CNOT2: variants seen among roughly 807,000 people sequenced by gnomAD.
The protein encoded by CNOT2 is CC chemokine receptor 4-negative regulator of transcription 2.
Under a neutral mutation model 72.1 loss-of-function variants are expected in CNOT2, and 7 were observed. That is an observed-to-expected ratio of 0.10 (90% confidence interval 0.06 to 0.18). CNOT2 has a LOEUF of 0.18. CNOT2 is among the 10% of genes least tolerant of loss of function. The pLI, the probability that CNOT2 is intolerant of heterozygous loss-of-function variation, is 1.00. For synonymous variants in CNOT2, 196 were observed against 225.6 expected, an observed-to-expected ratio of 0.87 and a Z score of 1.17; for missense variants, 345 against 660.3, an observed-to-expected ratio of 0.52 and a Z score of 5.23.
intron 1 of CNOT2, among the ~76,000 whole-genome samples, chr12:70,252,294 C>T (rs1234355950): frequency 1.3e-5 from 2 of 152,068 alleles, no homozygotes; most frequent in African/African-American, 2.4e-5. Flanking sequence ...TTAATCAATC[C>T]TCCCACCTAA....
At chr12:70,284,867 T>G (rs1310059962) in intron 2 of CNOT2, among the ~76,000 whole-genome samples, 2 of 152,230 alleles carry the variant, frequency 1.3e-5, no homozygotes, top group South Asian at 2.1e-4. Flanking sequence ...ATAGTGCCCT[T>G]GGGCCAAAAG....
chr12:70,343,138 A>G (rs1334192480), intron 13 of CNOT2, among the ~76,000 whole-genome samples: 1 of 152,156 alleles, frequency 6.6e-6, no homozygotes, highest in Non-Finnish European at 1.5e-5. Context: ...TCCCACCACC[A>G]CTGTAGAGCT....
At chr12:70,243,550 CCG>C (rs1957671336) in intron 1 of CNOT2, 70 bp downstream of exon 1, 1 of 152,530 alleles carries the variant, frequency 6.6e-6, no homozygotes. Flanking sequence ...TTCGGGGCCC[CCG>C]CAAGGCGGGG....
intron 4 of CNOT2, among the ~76,000 whole-genome samples, chr12:70,325,094 T>A (rs530627685): frequency 6.6e-6 from 1 of 151,902 alleles, no homozygotes; most frequent in South Asian, 2.1e-4. Flanking sequence ...GTCTTTTATA[T>A]CTCTAGAACA....
intron 15 of CNOT2, among the ~76,000 whole-genome samples, chr12:70,353,477 G>A (rs1331806798): frequency 6.6e-6 from 1 of 151,984 alleles, no homozygotes; most frequent in Non-Finnish European, 1.5e-5. Flanking sequence ...CGTTGAAGGG[G>A]GCTTTATTTT....
intron 11 of CNOT2, among the ~76,000 whole-genome samples, chr12:70,339,392 C>G (rs921897472): frequency 3.9e-5 from 6 of 152,020 alleles, no homozygotes; most frequent in Non-Finnish European, 7.4e-5. Context: ...TCCAGATCCC[C>G]GTCTCTTTTC....
chr12:70,295,124 C>T (rs964088154), intron 2 of CNOT2, among the ~76,000 whole-genome samples: 1 of 152,142 alleles, frequency 6.6e-6, no homozygotes, highest in Non-Finnish European at 1.5e-5. Flanking sequence ...GTGTTTCTTT[C>T]GTTCTCCTAC....
intron 15 of CNOT2, among the ~76,000 whole-genome samples, chr12:70,350,842 G>A (rs549368066): frequency 2.5e-4 from 38 of 152,146 alleles, no homozygotes; most frequent in Non-Finnish European, 5.0e-4. Context: ...CAACATGTAG[G>A]TAAGAGAAAG....
At chr12:70,325,173 T>A (rs1878895038) in intron 4 of CNOT2, among the ~76,000 whole-genome samples, 1 of 150,286 alleles carries the variant, frequency 6.7e-6, no homozygotes, top group Non-Finnish European at 1.5e-5. Context: ...AGGAAAGGAA[T>A]AGAGAAAGAA....
At chr12:70,317,958 C>T (rs546583287) in intron 3 of CNOT2, among the ~76,000 whole-genome samples, 10 of 151,814 alleles carry the variant, frequency 6.6e-5, no homozygotes, top group African/African-American at 2.4e-4. Context: ...ATTTTTCATC[C>T]CTGGAAACCA....
At chr12:70,265,300 C>CTTCTCTT (rs1958978568) in intron 1 of CNOT2, among the ~76,000 whole-genome samples, 1 of 145,206 alleles carries the variant, frequency 6.9e-6, no homozygotes, top group Non-Finnish European at 1.5e-5. Flanking sequence ...CTTCTCTTCT[C>CTTCTCTT]TTCTCTTCTC....
At chr12:70,329,189 G>T in intron 4 of CNOT2, among the ~76,000 whole-genome samples, 1 of 151,742 alleles carries the variant, frequency 6.6e-6, no homozygotes, top group Admixed American at 6.6e-5. Flanking sequence ...TAATGAAATT[G>T]AAATATGAAA....
Position 70,278,145 on chromosome 12 carries a change from G to T in CNOT2, c.-82G>T. 2.1e-6 allele frequency: 2 copies of T among 961,252 alleles called. No homozygotes were observed. The highest frequency in any genetic ancestry group is 2.4e-5 in the East Asian group (1 of 41,262). 59.5% of individuals were successfully genotyped at this position (961,252 alleles called of 1,614,324 possible). ...ATTCCACTCTAGAGGGAGACGTGGTGGGCGGTCCTTCCTGTGACACGACCC... is the reference window on the plus strand; with the variant it reads ...ATTCCACTCTAGAGGGAGACGTGGTTGGCGGTCCTTCCTGTGACACGACCC... On this transcript the variant is annotated 5_prime_UTR_variant, in exon 2 of 16. Coordinates refer to ENST00000229195, the MANE Select transcript of CNOT2 (RefSeq NM_014515.7).
chr12:70,299,821 C>G (rs1670476241), intron 2 of CNOT2, among the ~76,000 whole-genome samples: 1 of 152,184 alleles, frequency 6.6e-6, no homozygotes, highest in East Asian at 1.9e-4. Flanking sequence ...AATGGTTGAA[C>G]TAGTTTACAG....
intron 1 of CNOT2, among the ~76,000 whole-genome samples, chr12:70,277,280 A>C (rs572220383): frequency 6.6e-6 from 1 of 152,212 alleles, no homozygotes; most frequent in African/African-American, 2.4e-5. Context: ...CCACCTTTGA[A>C]TATTTGAACT....
chr12:70,249,392 ATATT>A (rs1958030897), intron 1 of CNOT2, among the ~76,000 whole-genome samples: 1 of 141,350 alleles, frequency 7.1e-6, no homozygotes, highest in Admixed American at 8.0e-5. Context: ...AATTTTATAT[ATATT>A]AAAATAAGTT....
intron 4 of CNOT2, chr12:70,322,838 T>G (rs996167653): frequency 2.6e-5 from 4 of 151,838 alleles, no homozygotes; most frequent in Non-Finnish European, 5.9e-5. Flanking sequence ...TTGGTTGCTT[T>G]CGGAAATTGT....
At chr12:70,263,894 G>A (rs751152200) in intron 1 of CNOT2, among the ~76,000 whole-genome samples, 14 of 152,210 alleles carry the variant, frequency 9.2e-5, no homozygotes, top group African/African-American at 2.4e-4. Context: ...ATTTCTTGCC[G>A]TGTGAAGTGC....
At chr12:70,325,052 C>T (rs577185752) in intron 4 of CNOT2, among the ~76,000 whole-genome samples, 2 of 151,962 alleles carry the variant, frequency 1.3e-5, no homozygotes, top group South Asian at 4.1e-4. Context: ...CATGTAAACA[C>T]CTTGGTCATA....
Sources: gnomAD v4.1 joint callset for allele counts (sites outside exome capture counted in the v4.1 genomes callset) on GRCh38, gnomAD v4.1.1 for gene constraint, MANE v1.5 for transcripts, NCBI Gene and HGNC (gene_info 2026-07-23, HGNC 2026-07-21) for gene names.